Variants in CACNA2D3 observed in about 807,000 individuals in gnomAD.
The protein encoded by CACNA2D3 is voltage-dependent calcium channel subunit alpha-2/delta-3.
Under a neutral mutation model 160.6 loss-of-function variants are expected in CACNA2D3, and 60 were observed. That is an observed-to-expected ratio of 0.37 (90% CI 0.30 to 0.46). CACNA2D3 has a LOEUF of 0.46. CACNA2D3 is among the 20% of genes least tolerant of loss of function. The probability of loss-of-function intolerance (pLI) is 1.00; values close to 1 mark genes in which losing one functional copy is unlikely to be tolerated. For missense variants in CACNA2D3, 1,205 were observed against 1,365.0 expected (o/e 0.88, Z 1.85); for synonymous variants, 558 against 492.9 (o/e 1.13, Z -1.75).
intron 13 of CACNA2D3, among the ~76,000 whole-genome samples, chr3:54,805,379 G>C (rs967342637): frequency 5.3e-5 from 8 of 152,156 alleles, no homozygotes; most frequent in Non-Finnish European, 1.2e-4. Context: ...TATCACTACC[G>C]ATCCCACAGA....
intron 2 of CACNA2D3, among the ~76,000 whole-genome samples, chr3:54,215,368 GT>G (rs1701442002): frequency 6.6e-6 from 1 of 152,092 alleles, no homozygotes; most frequent in South Asian, 2.1e-4. Context: ...CTGTTACAGC[GT>G]TTTTAAAGCA....
chr3:54,310,646 C>T (rs918372404), intron 2 of CACNA2D3, among the ~76,000 whole-genome samples: 1 of 152,130 alleles, frequency 6.6e-6, no homozygotes, highest in Non-Finnish European at 1.5e-5. Context: ...GCTAGTTGGT[C>T]TGTTAGGTTG....
Position 54,266,294 on chromosome 3 carries a change from A to T in CACNA2D3, c.205-54148A>T, listed in dbSNP as rs371906866. Among the ~76,000 whole-genome samples the T allele has an allele frequency of 6.1e-4, 93 of 152,348 alleles. 2 individuals are homozygous for T. The South Asian group carries it at 0.017, about 28-fold the overall frequency. ...TTGGGTAATGTGCTACCTGCTGTCC[A>T]TAATAAATTTACAAATATTTTTCTA... On this transcript the variant is annotated intron_variant, in intron 2 of 37. Transcript: ENST00000474759.
intron 4 of CACNA2D3, among the ~76,000 whole-genome samples, chr3:54,435,058 T>G (rs188549680): frequency 6.6e-6 from 1 of 152,292 alleles, no homozygotes; most frequent in Non-Finnish European, 1.5e-5. Context: ...AACCACAGTA[T>G]GCCTTTTATA....
intron 4 of CACNA2D3, among the ~76,000 whole-genome samples, chr3:54,466,755 T>C (rs999459712): frequency 2.6e-5 from 4 of 152,240 alleles, no homozygotes; most frequent in African/African-American, 9.6e-5. Context: ...TGAGTTTTGT[T>C]AGTTGCCTAA....
chr3:54,514,877 G>T (rs1269155927), intron 5 of CACNA2D3, among the ~76,000 whole-genome samples: 1 of 152,188 alleles, frequency 6.6e-6, no homozygotes, highest in African/African-American at 2.4e-5. Flanking sequence ...AAGGGAGGGT[G>T]ATGCCTTGGA....
intron 2 of CACNA2D3, among the ~76,000 whole-genome samples, chr3:54,286,409 C>G (rs1575369344): frequency 6.6e-6 from 1 of 152,150 alleles, no homozygotes; most frequent in Non-Finnish European, 1.5e-5. Flanking sequence ...AACAAAGCCT[C>G]CAAGAAATAT....
chr3:54,336,073 A>C (rs998629323), intron 3 of CACNA2D3, among the ~76,000 whole-genome samples: 1 of 150,474 alleles, frequency 6.6e-6, no homozygotes, highest in African/African-American at 2.4e-5. Flanking sequence ...ACTATATCTC[A>C]GGGAGGTAAC....
At chr3:54,556,555 A>G (rs570020037) in intron 5 of CACNA2D3, among the ~76,000 whole-genome samples, 3 of 152,314 alleles carry the variant, frequency 2.0e-5, no homozygotes, top group East Asian at 3.9e-4. Context: ...TCCAGTTTGC[A>G]GTATTTTGCC....
chr3:54,323,357 ACTGGAATGCACCAC>A (rs1704049162), intron 3 of CACNA2D3, among the ~76,000 whole-genome samples: 1 of 152,120 alleles, frequency 6.6e-6, no homozygotes, highest in African/African-American at 2.4e-5. Context: ...GTAGCCTTGC[ACTGGAATGCACCAC>A]TGTGAGACAA....
At chr3:54,935,102 G>A (rs767440125) in intron 27 of CACNA2D3, among the ~76,000 whole-genome samples, 1 of 152,186 alleles carries the variant, frequency 6.6e-6, no homozygotes, top group African/African-American at 2.4e-5. Flanking sequence ...AAGACTGCAC[G>A]TGATTTTGTT....
chr3:54,518,563 C>T (rs575606665), intron 5 of CACNA2D3, among the ~76,000 whole-genome samples: 19 of 152,172 alleles, frequency 1.2e-4, no homozygotes, highest in Non-Finnish European at 2.4e-4. Context: ...CTCAGCCACC[C>T]GACTCATTGT....
intron 4 of CACNA2D3, among the ~76,000 whole-genome samples, chr3:54,411,447 C>G (rs1456447648): frequency 6.6e-6 from 1 of 152,190 alleles, no homozygotes; most frequent in Non-Finnish European, 1.5e-5. Context: ...TCACCCTGAT[C>G]AGTCAGCAGC....
At chr3:54,809,666 C>G (rs189550084) in intron 13 of CACNA2D3, among the ~76,000 whole-genome samples, 1 of 151,710 alleles carries the variant, frequency 6.6e-6, no homozygotes, top group African/African-American at 2.4e-5. Context: ...TCCCCTCCCT[C>G]CCTTCCTTTG....
chr3:54,939,869 G>C (rs1701422284), intron 27 of CACNA2D3, among the ~76,000 whole-genome samples: 2 of 152,182 alleles, frequency 1.3e-5, no homozygotes, highest in African/African-American at 2.4e-5. Context: ...CGCTGGCCAT[G>C]CTTGCTTTAG....
intron 3 of CACNA2D3, among the ~76,000 whole-genome samples, chr3:54,322,197 G>A (rs981277583): frequency 6.6e-6 from 1 of 152,206 alleles, no homozygotes; most frequent in African/African-American, 2.4e-5. Flanking sequence ...GAGGCAGTGG[G>A]CCCACGTGGT....
chr3:54,578,080 T>C (rs887746924), intron 8 of CACNA2D3, among the ~76,000 whole-genome samples: 9 of 152,222 alleles, frequency 5.9e-5, no homozygotes, highest in Non-Finnish European at 8.8e-5. Context: ...TAAGAGACTC[T>C]TCCCATTTCC....
intron 13 of CACNA2D3, among the ~76,000 whole-genome samples, chr3:54,812,381 GTCT>G (rs1252178074): frequency 3.3e-5 from 5 of 152,340 alleles, no homozygotes; most frequent in Non-Finnish European, 7.3e-5. Context: ...GGGTAAACAA[GTCT>G]TCTTTGAGAC....
intron 2 of CACNA2D3, among the ~76,000 whole-genome samples, chr3:54,273,511 G>C (rs1226275074): frequency 6.6e-6 from 1 of 152,100 alleles, no homozygotes; most frequent in Non-Finnish European, 1.5e-5. Context: ...TCTGGCTCTT[G>C]GGTGGTCCTA....
Sources: gnomAD v4.1 joint callset for allele counts (sites outside exome capture counted in the v4.1 genomes callset) on GRCh38, gnomAD v4.1.1 for gene constraint, MANE v1.5 for transcripts, NCBI Gene and HGNC (gene_info 2026-07-23, HGNC 2026-07-21) for gene names.